The following LDB1 variants were observed in gnomAD, a reference collection of about 807,000 sequenced individuals.
LDB1 encodes LIM domain-binding protein 1.
LDB1 carries 6 observed loss-of-function variants against 49.7 expected under a neutral mutation model. The observed-to-expected ratio is 0.12, with a 90% confidence interval of 0.07 to 0.24. The LOEUF is 0.24. Among genes scored for constraint, LDB1 ranks in the 10% least tolerant of loss-of-function variants. The pLI, the probability that LDB1 is intolerant of heterozygous loss-of-function variation, is 1.00. For synonymous variants in LDB1, 233 were observed against 202.0 expected (o/e 1.15, Z -1.30); for missense variants, 341 against 561.7 (o/e 0.61, Z 3.97).
At chr10:102,113,238 A>G (rs2815397) in intron 1 of LDB1, among the ~76,000 whole-genome samples, 152,056 of 152,318 alleles carry the variant, frequency 1, 75,897 homozygotes, top group East Asian at 1. Context: ...GTCTCTGAAG[A>G]TGCCAAGTCA....
At chr10:102,120,717 G>A (rs920431347), upstream of LDB1, among the ~76,000 whole-genome samples, 3 of 152,192 alleles carry the variant, frequency 2.0e-5, no homozygotes, top group Non-Finnish European at 2.9e-5. Flanking sequence ...AGGGCGAAGG[G>A]GAGGGCTTGG....
chr10:102,121,252 C>T (rs2068417074), upstream of LDB1, among the ~76,000 whole-genome samples: 1 of 152,088 alleles, frequency 6.6e-6, no homozygotes, highest in Non-Finnish European at 1.5e-5. Context: ...CTTCCCTTCC[C>T]CCCTTTCTCC....
rs1388026132 is a variant in LDB1, at chr10:102,120,221, G to GCCGGC, written c.-116_-112dup. 30 of 987,814 alleles carry GCCGGC rather than the reference G, an allele frequency of 3.0e-5. No homozygotes were observed. In the Admixed American group the frequency reaches 1.0e-3, roughly 33 times the overall value. 61.2% of individuals were successfully genotyped at this position (987,814 alleles called of 1,614,324 possible). On this transcript the variant is annotated 5_prime_UTR_variant, in exon 1 of 11. Transcript: ENST00000673968. ...GCCCGCGGCCCCCGCTGCGCTCGCC[G>GCCGGC]CCGGCCCGGCCCGGCCTCGGCCCGG...
Position 102,110,023 on chromosome 10 carries a change from C to T in LDB1, c.546G>A (p.Leu182=). The change falls in exon 7 of 11, where the codon TTG becomes TTA. Residue 182 remains leucine, a synonymous_variant. Transcript: ENST00000673968. ...TGTCGTCAAACATGAACTCCAGGTA[C>T]AACCGGCCCTCCACACACACCTGGG... is the stretch of plus-strand genomic sequence containing the variant. The part of the protein sequence containing the change: ...MFTQVCVEGR[L]YLEFMFDDMM... 1 of 1,613,528 alleles carries T rather than the reference C, an allele frequency of 6.2e-7. No individual in the cohort carries two copies. The highest frequency in any genetic ancestry group is 8.5e-7 in the Non-Finnish European group (1 of 1,179,836).
chr10:102,110,463 A>G, intron 6 of LDB1, 66 bp downstream of exon 6: 3 of 1,504,642 alleles, frequency 2.0e-6, no homozygotes, highest in Middle Eastern at 2.0e-4. Flanking sequence ...GTGAGTATAC[A>G]CTGGGAGAGA....
chr10:102,113,785 G>A (rs2068291103), intron 1 of LDB1, among the ~76,000 whole-genome samples: 1 of 149,242 alleles, frequency 6.7e-6, no homozygotes, highest in African/African-American at 2.5e-5. Context: ...AAAACTCTCA[G>A]AGCCTCCATT....
downstream of LDB1, among the ~76,000 whole-genome samples, chr10:102,104,404 C>T (rs1287033853): frequency 6.6e-6 from 1 of 152,150 alleles, no homozygotes; most frequent in East Asian, 1.9e-4. Context: ...ATAAACAGAT[C>T]CAGGCCCTCC....
chr10:102,112,526 G>T (rs2068270103), intron 1 of LDB1, among the ~76,000 whole-genome samples: 1 of 152,150 alleles, frequency 6.6e-6, no homozygotes, highest in Admixed American at 6.5e-5. Flanking sequence ...TGCCTGTTGG[G>T]TGTGGCCTAC....
rs2068168514 is a variant in LDB1, at chr10:102,106,876, G to A, written c.*1217C>T. Among the ~76,000 whole-genome samples the A allele has an allele frequency of 6.6e-6, 1 of 152,142 alleles. No individual in the cohort carries two copies. Among genetic ancestry groups the A allele is most frequent in the African/African-American group, 2.4e-5 (1 of 41,410 alleles). On this transcript the variant is annotated 3_prime_UTR_variant, in exon 11 of 11. Transcript: ENST00000673968. ...TCCTCCTTCCTTCTGTGAGGAAGGA[G>A]CGGCAGGGGATACTGGCAGGTGAAG...
At chr10:102,114,738 C>T in intron 1 of LDB1, 3 of 822,360 alleles carry the variant, frequency 3.6e-6, no homozygotes, top group Non-Finnish European at 4.4e-6. Context: ...ATGGCTGCTC[C>T]GCTCTTTCCT....
Position 102,108,126 on chromosome 10 carries a change from T to C in LDB1, c.1203A>G (p.Lys401=), listed in dbSNP as rs2068194281. The change falls in exon 11 of 11, where the codon AAA becomes AAG. Residue 401 remains lysine (K), a synonymous_variant. Transcript: ENST00000673968. ...NSKPPSSQES[K]SENPTSQASQ ...AGGCCTGTGACGTGGGGTTCTCCGA[T>C]TTGCTTTCTTGGCTGGACGGAGGCT... 2 of 1,613,958 alleles carry C rather than the reference T, an allele frequency of 1.2e-6. No individual in the cohort carries two copies. The highest frequency in any genetic ancestry group is 1.3e-5 in the African/African-American group (1 of 74,890).
chr10:102,102,844 C>T (rs574801234), downstream of LDB1, among the ~76,000 whole-genome samples: 20 of 152,184 alleles, frequency 1.3e-4, no homozygotes, highest in Non-Finnish European at 2.4e-4. Context: ...AGTGCAGTGG[C>T]GATTCCTTGG....
chr10:102,110,143 T>C (rs2068230907), intron 6 of LDB1, 100 bp from the exon 7 acceptor site: 2 of 1,331,792 alleles, frequency 1.5e-6, no homozygotes, highest in African/African-American at 1.5e-5. Flanking sequence ...TCCCATTGCA[T>C]ACACTTTTGT....
rs775175868 is a variant in LDB1, at chr10:102,109,718, C to T, written c.649-35G>A. 2.5e-6 allele frequency: 4 copies of T among 1,605,186 alleles called. No individual in the cohort carries two copies. The highest frequency in any genetic ancestry group is 3.4e-6 in the Non-Finnish European group (4 of 1,172,086). On this transcript the variant is annotated intron_variant, in intron 7 of 10. Coordinates refer to ENST00000673968, the MANE Select transcript of LDB1 (RefSeq NM_001113407.3). The surrounding 1 kb of genome is among the most constrained non-coding windows in gnomAD (Gnocchi z 5.8). ...GAGAAAAGACAAGAAAGAACACTGA[C>T]ACCTGGGTTGCCTCTGCTCACCTGC...
downstream of LDB1, among the ~76,000 whole-genome samples, chr10:102,103,248 G>A (rs1302178178): frequency 1.3e-5 from 2 of 151,938 alleles, no homozygotes; most frequent in African/African-American, 2.4e-5. Context: ...GACTGGTCTC[G>A]AACTCCTGAC....
upstream of LDB1, chr10:102,120,372 CGT>C: frequency 6.1e-6 from 6 of 983,982 alleles, no homozygotes; most frequent in Non-Finnish European, 7.2e-6. Flanking sequence ...AGTGTGTGTC[CGT>C]GTGTGCGTGT....
chr10:102,115,017 G>A (rs771822821), intron 1 of LDB1: 6 of 225,520 alleles, frequency 2.7e-5, no homozygotes, highest in Non-Finnish European at 4.4e-5. Context: ...CCCCAGGGCG[G>A]GCGGAGGGTG....
At chr10:102,112,320 G>A (rs1453557458) in intron 1 of LDB1, among the ~76,000 whole-genome samples, 1 of 152,186 alleles carries the variant, frequency 6.6e-6, no homozygotes, top group Non-Finnish European at 1.5e-5. Context: ...AGATCATAAA[G>A]CTAGTAACTG....
At chr10:102,111,337 A>G (rs2068249814) in intron 2 of LDB1, 37 bp from the exon 3 acceptor site, 1 of 1,610,372 alleles carries the variant, frequency 6.2e-7, no homozygotes, top group South Asian at 1.1e-5. Flanking sequence ...TGGGGGTTGA[A>G]GATAGGAATT....
Sources: allele counts gnomAD v4.1 joint callset (sites outside exome capture counted in the v4.1 genomes callset), GRCh38; gene constraint gnomAD v4.1.1; non-coding constraint Gnocchi (gnomAD v3.1); transcripts MANE v1.5; gene names NCBI Gene and HGNC (gene_info 2026-07-23, HGNC 2026-07-21).